The following ZNF578 variants were observed in gnomAD, a reference collection of about 807,000 sequenced individuals.
The protein encoded by ZNF578 is Putative chemokine-related protein B42.
ZNF578 carries 8 observed loss-of-function variants against 8.3 expected under a neutral mutation model. That is an observed-to-expected ratio of 0.96 (90% CI 0.56 to 1.74). The LOEUF (loss-of-function observed/expected upper bound fraction) is 1.74. Ranked by LOEUF, ZNF578 falls within the 40% of genes most tolerant of loss-of-function variation. The probability of loss-of-function intolerance (pLI) is 0.00; values close to 1 mark genes in which losing one functional copy is unlikely to be tolerated. For synonymous variants in ZNF578, 206 were observed against 232.2 expected (o/e 0.89, Z 1.03); for missense variants, 726 against 707.5 (o/e 1.03, Z -0.30).
intron 3 of ZNF578, among the ~76,000 whole-genome samples, chr19:52,495,208 A>T (rs2059381684): frequency 7.5e-6 from 1 of 134,144 alleles, no homozygotes; most frequent in African/African-American, 2.7e-5. Flanking sequence ...CCTGTTGCCC[A>T]GGCTGGAGTG....
intron 2 of ZNF578, among the ~76,000 whole-genome samples, chr19:52,482,390 C>T (rs1471155494): frequency 6.6e-6 from 1 of 151,950 alleles, no homozygotes; most frequent in Non-Finnish European, 1.5e-5. Flanking sequence ...GTAATCCTAG[C>T]ACTTTGGGAG....
At chr19:52,476,384 C>A (rs902419297) in intron 2 of ZNF578, among the ~76,000 whole-genome samples, 1 of 152,100 alleles carries the variant, frequency 6.6e-6, no homozygotes, top group Non-Finnish European at 1.5e-5. Flanking sequence ...CATTGATCGA[C>A]CCATACAGGT....
rs2059456924 is a variant in ZNF578, at chr19:52,513,252, T to A, written c.*1098T>A. On this transcript the variant is annotated 3_prime_UTR_variant, in exon 6 of 6. Transcript: ENST00000421239. ...GGTCAGGCTGGTCTCAAACTCCCGA[T>A]CTCAGGTGATCCGCCCACCTCAGCC... Among the ~76,000 whole-genome samples, 1 of 151,322 alleles carries A rather than the reference T, an allele frequency of 6.6e-6. No homozygotes were observed. Among genetic ancestry groups the A allele is most frequent in the South Asian group, 2.1e-4 (1 of 4,768 alleles).
chr19:52,506,767 G>A (rs608324), intron 5 of ZNF578, among the ~76,000 whole-genome samples: 32,466 of 152,022 alleles, frequency 0.21, 3,579 homozygotes, highest in Admixed American at 0.23. Flanking sequence ...TTTAGTAGAG[G>A]TGGAGTTTCT....
Position 52,511,851 on chromosome 19 carries a change from G to A in ZNF578, c.1470G>A (p.Lys490=). 3 of 1,612,972 alleles carry A rather than the reference G, an allele frequency of 1.9e-6. No homozygotes were observed. The highest frequency in any genetic ancestry group is 2.5e-6 in the Non-Finnish European group (3 of 1,179,696). Residue 490 remains lysine, a synonymous_variant, in exon 6 of 6, where the codon AAG becomes AAA. Transcript: ENST00000421239. The part of the protein sequence containing the change: ...EKPYKCNECH[K]TFSHRSSLPC... ...CTTACAAGTGTAATGAGTGTCACAA[G>A]ACCTTCAGTCACAGGTCATCTCTTC...
chr19:52,501,309 C>T (rs1483394899), intron 3 of ZNF578, among the ~76,000 whole-genome samples: 1 of 152,222 alleles, frequency 6.6e-6, no homozygotes, highest in East Asian at 1.9e-4. Context: ...TCAACCCTGG[C>T]TTCACATTAG....
At chr19:52,492,157 CAAAAAAAAAAAAAAAAAA>C (rs869249180) in intron 3 of ZNF578, among the ~76,000 whole-genome samples, 20 of 67,658 alleles carry the variant, frequency 3.0e-4, no homozygotes, top group African/African-American at 9.2e-4. Context: ...GATTCTGTCT[CAAAAAAAAAAAAAAAAAA>C]AAAAAAAAAA....
rs1263077841 is a variant in ZNF578, at chr19:52,504,768, C to A, written c.177C>A (p.Asn59Lys). 2 of 1,614,102 alleles carry A rather than the reference C, an allele frequency of 1.2e-6. No homozygotes were observed. The highest frequency in any genetic ancestry group is 8.5e-7 in the Non-Finnish European group (1 of 1,180,022). The change falls in exon 5 of 6, where the codon AAC becomes AAA. Residue 59 changes from asparagine to lysine, a missense_variant. Physicochemically the swap from Asn to Lys is moderately conservative, Grantham distance 94 (BLOSUM62 0). Transcript: ENST00000421239. ...YREVMLENYR[N>K]LEAVDISSKR... The stretch of plus-strand genomic sequence containing the variant: ...AAGTGATGTTGGAGAACTACAGGAA[C>A]CTGGAGGCTGTGGGTGAGGAAAATG...
chr19:52,504,172 C>T (rs2059417314), intron 4 of ZNF578, among the ~76,000 whole-genome samples: 1 of 144,134 alleles, frequency 6.9e-6, no homozygotes, highest in Non-Finnish European at 1.5e-5. Flanking sequence ...CTCACTGCGG[C>T]CTCCATCTCC....
In ZNF578 at chr19:52,510,903, GA is replaced by G; in HGVS notation, c.526del (p.Ile176LeufsTer51). The G allele has an allele frequency of 6.2e-7, 1 of 1,614,160 alleles. No homozygotes were observed. The highest frequency in any genetic ancestry group is 8.5e-7 in the Non-Finnish European group (1 of 1,180,034). ...AACTCCACATATTTCAGCCCGAAGA[GA>G]AAATTGCTAATCAAGTGGAGAAGTC... is the stretch of plus-strand genomic sequence containing the variant. The part of the protein sequence containing the change: ...PELHIFQPEE[K>X]IANQVEKSVN... On this transcript the variant is annotated frameshift_variant, in exon 6 of 6. Coordinates refer to ENST00000421239, the MANE Select transcript of ZNF578 (RefSeq NM_001099694.2). LOFTEE classifies it low-confidence loss of function (END_TRUNC).
rs2059460394 is a variant in ZNF578, at chr19:52,513,717, G to A, written c.*1563G>A. ...TGCACTCCAGGCTGGGCGACAGAGT[G>A]AGAGTCTGTCTCAAAAAAAAAAAAA... On this transcript the variant is annotated 3_prime_UTR_variant, in exon 6 of 6. Transcript: ENST00000421239. 2.3e-5 allele frequency among the ~76,000 whole-genome samples: 3 copies of A among 131,358 alleles called. No individual in the cohort carries two copies. In the Admixed American group the frequency reaches 2.5e-4, roughly 11 times the overall value. The allele number at this position is 131,358 out of a possible 152,430, so 86.2% of individuals were successfully genotyped here.
chr19:52,512,489 C>G lies in ZNF578; in HGVS notation c.*335C>G, dbSNP rs329939. The G allele has an allele frequency of 0.21, 254,043 of 1,191,938 alleles. 28,279 individuals are homozygous for G. Among genetic ancestry groups the G allele is most frequent in the Admixed American group, 0.25 (13,467 of 54,038 alleles). The allele number at this position is 1,191,938 out of a possible 1,614,324, so 73.8% of individuals were successfully genotyped here. A position where few individuals can be genotyped will look rare whatever the true frequency, so the allele number is the denominator to read the frequency against. ...TCATACCTTGCAGTTCATCAGTGAA[C>G]TCATACTGGAGAGAAACCTTACAAA... On this transcript the variant is annotated 3_prime_UTR_variant, in exon 6 of 6. Coordinates refer to ENST00000421239, the MANE Select transcript of ZNF578 (RefSeq NM_001099694.2).
intron 2 of ZNF578, among the ~76,000 whole-genome samples, chr19:52,489,364 C>T (rs2059357299): frequency 6.6e-6 from 1 of 152,186 alleles, no homozygotes; most frequent in Middle Eastern, 3.4e-3. Flanking sequence ...CTGATGCGGG[C>T]GAATCACCTG....
rs2059452134 is a variant in ZNF578, at chr19:52,512,290, T to C, written c.*136T>C. 10 of 1,570,266 alleles carry C rather than the reference T, an allele frequency of 6.4e-6. No individual in the cohort carries two copies. In the South Asian group the frequency reaches 7.8e-5, roughly 12 times the overall value. On this transcript the variant is annotated 3_prime_UTR_variant, in exon 6 of 6. Coordinates refer to ENST00000421239, the MANE Select transcript of ZNF578 (RefSeq NM_001099694.2). ...AGTGTAATGAGTGTGGCAAAGCCTTTAGTGACCAGTCAACACTTACCATCA... is the reference window on the plus strand; with the variant it reads ...AGTGTAATGAGTGTGGCAAAGCCTTCAGTGACCAGTCAACACTTACCATCA...
At chr19:52,491,741 AAAG>A (rs1227027318) in intron 3 of ZNF578, among the ~76,000 whole-genome samples, 1 of 152,140 alleles carries the variant, frequency 6.6e-6, no homozygotes, top group Non-Finnish European at 1.5e-5. Flanking sequence ...AAAAGTAAAA[AAAG>A]AAAAAGTAAT....
At chr19:52,481,302 A>C (rs1324330934) in intron 2 of ZNF578, among the ~76,000 whole-genome samples, 5 of 152,156 alleles carry the variant, frequency 3.3e-5, no homozygotes, top group Non-Finnish European at 7.3e-5. Flanking sequence ...TATGGGTGCC[A>C]TGTTGCCGTG....
chr19:52,502,566 A>G (rs567150214), intron 4 of ZNF578, among the ~76,000 whole-genome samples: 111 of 147,518 alleles, frequency 7.5e-4, no homozygotes, highest in Admixed American at 1.7e-3. Flanking sequence ...GTGAAACCCC[A>G]TCTCTACTAA....
chr19:52,490,555 C>G (rs2059361727), intron 2 of ZNF578, among the ~76,000 whole-genome samples: 1 of 152,108 alleles, frequency 6.6e-6, no homozygotes, highest in African/African-American at 2.4e-5. Flanking sequence ...AACTGACACA[C>G]TGCACTAGTT....
intron 5 of ZNF578, 103 bp downstream of exon 5, chr19:52,504,884 T>TGTTTGA (rs2059420037): frequency 6.5e-7 from 1 of 1,535,086 alleles, no homozygotes; most frequent in Non-Finnish European, 8.7e-7. Flanking sequence ...ACGTGGTTTT[T>TGTTTGA]TTGTTTGATT....
Sources: allele counts gnomAD v4.1 joint callset (sites outside exome capture counted in the v4.1 genomes callset), GRCh38; gene constraint gnomAD v4.1.1; transcripts MANE v1.5; gene names NCBI Gene and HGNC (gene_info 2026-07-23, HGNC 2026-07-21).